The following NMNAT2 variants were observed in gnomAD, a reference collection of about 807,000 sequenced individuals.
The protein encoded by NMNAT2 is nicotinamide/nicotinic acid mononucleotide adenylyltransferase 2.
NMNAT2 carries 11 observed loss-of-function variants against 41.6 expected under a neutral mutation model. That is an observed-to-expected ratio of 0.26 (90% CI 0.17 to 0.44). The LOEUF (loss-of-function observed/expected upper bound fraction) is 0.44. Ranked by LOEUF, NMNAT2 falls within the 20% of genes least tolerant of loss-of-function variation. NMNAT2 has a pLI of 1.00. For missense variants in NMNAT2, 288 were observed against 407.7 expected (o/e 0.71, Z 2.53); for synonymous variants, 148 against 151.2 (o/e 0.98, Z 0.16).
At chr1:183,370,259 C>CACAT (rs1553219544) in intron 1 of NMNAT2, among the ~76,000 whole-genome samples, 223 of 150,006 alleles carry the variant, frequency 1.5e-3, no homozygotes, top group Admixed American at 4.0e-3. Context: ...CACACACACA[C>CACAT]ACACACACAC....
intron 1 of NMNAT2, among the ~76,000 whole-genome samples, chr1:183,299,998 C>A (rs1661806709): frequency 2.0e-5 from 3 of 152,064 alleles, no homozygotes; most frequent in Non-Finnish European, 2.9e-5. Context: ...AGAGATGGGG[C>A]CTTTGGGAGG....
intron 1 of NMNAT2, among the ~76,000 whole-genome samples, chr1:183,357,780 T>C (rs1463079441): frequency 6.6e-6 from 1 of 152,196 alleles, no homozygotes; most frequent in Non-Finnish European, 1.5e-5. Flanking sequence ...TTTCATATGA[T>C]TGTTGGCCGC....
At chr1:183,284,101 G>T (rs1006355768) in intron 6 of NMNAT2, 62 bp from the exon 7 acceptor site, 2 of 1,426,636 alleles carry the variant, frequency 1.4e-6, no homozygotes, top group Non-Finnish European at 1.9e-6. Flanking sequence ...CCAACACACA[G>T]TCTGCCTGAG....
chr1:183,277,817 A>G (rs1406492091), intron 8 of NMNAT2, among the ~76,000 whole-genome samples: 2 of 152,242 alleles, frequency 1.3e-5, no homozygotes, highest in Admixed American at 1.3e-4. Context: ...AGGCAGGTCC[A>G]GAGTCACACA....
chr1:183,356,390 T>C (rs1226013263), intron 1 of NMNAT2, among the ~76,000 whole-genome samples: 1 of 152,200 alleles, frequency 6.6e-6, no homozygotes, highest in African/African-American at 2.4e-5. Context: ...AAGCAGCTCA[T>C]TGGATCCCAA....
chr1:183,359,375 C>T (rs1276330638), intron 1 of NMNAT2, among the ~76,000 whole-genome samples: 3 of 152,142 alleles, frequency 2.0e-5, no homozygotes, highest in Non-Finnish European at 4.4e-5. Flanking sequence ...CCCCACTGCC[C>T]ACCCAAGAGA....
intron 1 of NMNAT2, among the ~76,000 whole-genome samples, chr1:183,370,259 C>CAT (rs1269383940): frequency 2.7e-5 from 4 of 150,006 alleles, no homozygotes; most frequent in Non-Finnish European, 5.9e-5. Flanking sequence ...CACACACACA[C>CAT]ACACACACAC....
intron 3 of NMNAT2, among the ~76,000 whole-genome samples, chr1:183,292,242 C>A (rs1024547806): frequency 1.3e-5 from 2 of 152,222 alleles, no homozygotes; most frequent in African/African-American, 4.8e-5. Flanking sequence ...GGTGGAGGTG[C>A]CTTCCTAGCA....
chr1:183,353,668 A>C (rs1007172880), intron 1 of NMNAT2, among the ~76,000 whole-genome samples: 1 of 152,164 alleles, frequency 6.6e-6, no homozygotes, highest in Non-Finnish European at 1.5e-5. Context: ...TCAGACATGA[A>C]ATTGAAGAAA....
Position 183,253,935 on chromosome 1 carries a change from GTGTGTGTGTA to G in NMNAT2, c.822-1202_822-1193del, listed in dbSNP as rs1182788394. ...TGTGTGTGTGTGTGTGTGTGTGTGT[GTGTGTGTGTA>G]TGTGTGTGTGTAAGAACACATTTTC... is the stretch of plus-strand genomic sequence containing the variant. On this transcript the variant is annotated intron_variant, in intron 10 of 10. Transcript: ENST00000287713. Among the ~76,000 whole-genome samples the G allele has an allele frequency of 6.0e-5, 9 of 150,720 alleles. No homozygotes were observed. In the East Asian group the frequency reaches 9.8e-4, roughly 16 times the overall value.
chr1:183,383,223 G>A (rs1304449631), intron 1 of NMNAT2, among the ~76,000 whole-genome samples: 2 of 152,178 alleles, frequency 1.3e-5, no homozygotes, highest in Non-Finnish European at 2.9e-5. Flanking sequence ...AGAGTGGCTG[G>A]GACACAGGGA....
At chr1:183,291,333 C>A (rs1226757984) in intron 3 of NMNAT2, among the ~76,000 whole-genome samples, 2 of 152,096 alleles carry the variant, frequency 1.3e-5, no homozygotes, top group African/African-American at 4.8e-5. Flanking sequence ...AGCTGAAAAC[C>A]CTTAGAGAGT....
At chr1:183,280,934 T>C (rs754303892) in intron 7 of NMNAT2, among the ~76,000 whole-genome samples, 23 of 151,230 alleles carry the variant, frequency 1.5e-4, no homozygotes, top group East Asian at 9.7e-4. Context: ...TACAGACATG[T>C]GCCACCACAC....
intron 7 of NMNAT2, 125 bp downstream of exon 7, chr1:183,283,870 C>T (rs746243564): frequency 6.3e-5 from 56 of 889,346 alleles, no homozygotes; most frequent in South Asian, 1.4e-4. Context: ...ATCCCTCTTC[C>T]GAGAGGAGAC....
At chr1:183,390,224 C>A (rs1648438985) in intron 1 of NMNAT2, among the ~76,000 whole-genome samples, 1 of 152,084 alleles carries the variant, frequency 6.6e-6, no homozygotes, top group Non-Finnish European at 1.5e-5. Context: ...TCAAAAATGC[C>A]CATGGTACCA....
chr1:183,345,462 G>A (rs1204302244), intron 1 of NMNAT2, among the ~76,000 whole-genome samples: 4 of 152,138 alleles, frequency 2.6e-5, no homozygotes, highest in African/African-American at 4.8e-5. Flanking sequence ...TGGATTAGGG[G>A]ATTAGTGAAT....
At chr1:183,292,437 G>A (rs536719869) in intron 3 of NMNAT2, among the ~76,000 whole-genome samples, 6 of 152,300 alleles carry the variant, frequency 3.9e-5, no homozygotes, top group South Asian at 4.1e-4. Context: ...GTGAGGGTTC[G>A]CGGAAGTTAG....
intron 1 of NMNAT2, among the ~76,000 whole-genome samples, chr1:183,350,920 C>T (rs1293877386): frequency 6.6e-6 from 1 of 152,116 alleles, no homozygotes; most frequent in Non-Finnish European, 1.5e-5. Flanking sequence ...CTGAGTTCAA[C>T]ATGTATTTGA....
rs377013874 is a variant in NMNAT2 at position 183,270,412 on chromosome 1, G to A, written c.651+8141C>T. 1.1e-3 allele frequency among the ~76,000 whole-genome samples: 164 copies of A among 152,082 alleles called. 1 individual carries two copies. Among genetic ancestry groups the A allele is most frequent in the South Asian group, 2.1e-3 (10 of 4,804 alleles). On this transcript the variant is annotated intron_variant, in intron 8 of 10. Coordinates refer to ENST00000287713, the MANE Select transcript of NMNAT2 (RefSeq NM_015039.4). The stretch of plus-strand genomic sequence containing the variant: ...TCTGAAACATGCTCCCTCCATTTCA[G>A]TAAAGGATCCTCCACCCTTGCTGTA...
Sources: allele counts gnomAD v4.1 joint callset (sites outside exome capture counted in the v4.1 genomes callset), GRCh38; gene constraint gnomAD v4.1.1; transcripts MANE v1.5; gene names NCBI Gene and HGNC (gene_info 2026-07-23, HGNC 2026-07-21).